SHROOM3: variants seen among roughly 807,000 people sequenced by gnomAD.
SHROOM3 encodes protein Shroom3.
In SHROOM3, 47 loss-of-function variants were observed where a neutral mutation model predicts 138.6. The observed-to-expected ratio is 0.34, with a 90% confidence interval of 0.27 to 0.43. The LOEUF is 0.43. Ranked by LOEUF, SHROOM3 falls within the 20% of genes least tolerant of loss-of-function variation. The pLI, the probability that SHROOM3 is intolerant of heterozygous loss-of-function variation, is 1.00. For synonymous variants in SHROOM3, 1,062 were observed against 1,063.3 expected (o/e 1.00, Z 0.02); for missense variants, 2,491 against 2,596.5 (o/e 0.96, Z 0.88).
At chr4:76,467,494 T>C (rs761538760) in intron 1 of SHROOM3, among the ~76,000 whole-genome samples, 5 of 152,180 alleles carry the variant, frequency 3.3e-5, no homozygotes, top group Non-Finnish European at 7.3e-5. Flanking sequence ...TTTGGAACTG[T>C]GAAGGCTAAG....
chr4:76,711,866 T>G (rs749645623), intron 3 of SHROOM3, among the ~76,000 whole-genome samples: 23 of 151,122 alleles, frequency 1.5e-4, no homozygotes, highest in Non-Finnish European at 1.8e-4. Flanking sequence ...TAAAAGAAGT[T>G]TAAACATACC....
intron 3 of SHROOM3, among the ~76,000 whole-genome samples, chr4:76,727,887 C>A (rs372282953): frequency 1.4e-4 from 13 of 96,256 alleles, no homozygotes; most frequent in Admixed American, 3.4e-4. Context: ...GACTCCATCT[C>A]AAAAAAAAAG....
At chr4:76,716,219 C>T (rs375950775) in intron 3 of SHROOM3, 67 of 472,266 alleles carry the variant, frequency 1.4e-4, no homozygotes, top group South Asian at 9.1e-4. Context: ...CTCCCACTTG[C>T]GCTGAGCTGG....
intron 2 of SHROOM3, among the ~76,000 whole-genome samples, chr4:76,627,015 T>C (rs10222974): frequency 0.3 from 45,059 of 152,098 alleles, 7,044 homozygotes; most frequent in East Asian, 0.52. Flanking sequence ...AGTCTTCCTA[T>C]GTCCAAATGA....
At chr4:76,683,507 T>A (rs897872141) in intron 2 of SHROOM3, among the ~76,000 whole-genome samples, 24 of 150,376 alleles carry the variant, frequency 1.6e-4, no homozygotes, top group African/African-American at 6.0e-4. Context: ...TCCTCCTCCA[T>A]CTCTTTTCTC....
intron 2 of SHROOM3, among the ~76,000 whole-genome samples, chr4:76,651,418 A>G (rs1165148076): frequency 2.4e-5 from 1 of 41,064 alleles, no homozygotes; most frequent in East Asian, 2.1e-3. Context: ...ATATATATAT[A>G]TATATATATA....
intron 2 of SHROOM3, among the ~76,000 whole-genome samples, chr4:76,605,573 A>G (rs1251851129): frequency 6.6e-6 from 1 of 152,122 alleles, no homozygotes; most frequent in African/African-American, 2.4e-5. Context: ...AATAGCAAAA[A>G]GGAAACTATA....
chr4:76,632,538 G>A (rs6818060), intron 2 of SHROOM3, among the ~76,000 whole-genome samples: 45,480 of 152,016 alleles, frequency 0.3, 6,925 homozygotes, highest in East Asian at 0.43. Flanking sequence ...GCAAGAGGTG[G>A]CTTTGACAGA....
chr4:76,607,287 TA>T (rs2110058537), intron 2 of SHROOM3, among the ~76,000 whole-genome samples: 1 of 152,262 alleles, frequency 6.6e-6, no homozygotes, highest in Non-Finnish European at 1.5e-5. Context: ...CCAAGAATCT[TA>T]AGCTAGAGGG....
chr4:76,701,970 C>G (rs1719914260), intron 2 of SHROOM3, among the ~76,000 whole-genome samples: 1 of 152,122 alleles, frequency 6.6e-6, no homozygotes, highest in Admixed American at 6.5e-5. Flanking sequence ...AAATAATAAA[C>G]ATTAATTGTA....
chr4:76,737,661 T>C (rs1216897466), intron 4 of SHROOM3, among the ~76,000 whole-genome samples: 1 of 46,948 alleles, frequency 2.1e-5, no homozygotes, highest in Non-Finnish European at 6.1e-5. Context: ...TGTTTGGTTG[T>C]TTTTTGTTTT....
chr4:76,653,701 G>C (rs1044280344), intron 2 of SHROOM3, among the ~76,000 whole-genome samples: 1 of 152,040 alleles, frequency 6.6e-6, no homozygotes, highest in African/African-American at 2.4e-5. Flanking sequence ...GAGTAGCTGG[G>C]ACTACAGGGC....
intron 1 of SHROOM3, chr4:76,509,628 T>C (rs1289440279): frequency 6.6e-6 from 1 of 152,446 alleles, no homozygotes; most frequent in Non-Finnish European, 1.5e-5. Context: ...CATGTACCGC[T>C]TGACCAACAG....
intron 9 of SHROOM3, among the ~76,000 whole-genome samples, chr4:76,760,431 T>A (rs1419472179): frequency 6.6e-6 from 1 of 152,252 alleles, no homozygotes; most frequent in African/African-American, 2.4e-5. Flanking sequence ...CTTGCAGCTC[T>A]CTATGCAGCT....
intron 2 of SHROOM3, among the ~76,000 whole-genome samples, chr4:76,660,545 G>A (rs772930639): frequency 5.3e-5 from 8 of 151,916 alleles, no homozygotes; most frequent in Admixed American, 1.3e-4. Flanking sequence ...GAGCAATCTC[G>A]GCTCACTGCA....
intron 2 of SHROOM3, among the ~76,000 whole-genome samples, chr4:76,623,948 A>T (rs1735063184): frequency 1.3e-5 from 2 of 152,196 alleles, no homozygotes; most frequent in Non-Finnish European, 2.9e-5. Context: ...TTTATTTCTG[A>T]GAGAAATTCT....
At position 76,552,028 on chromosome 4, in the gene SHROOM3, A is replaced by C. The variant is rs60099194; in HGVS notation, c.169-3581A>C. 2.8e-5 allele frequency among the ~76,000 whole-genome samples: 4 copies of C among 142,046 alleles called. No individual in the cohort carries two copies. The South Asian group carries it at 9.1e-4, about 32-fold the overall frequency. The allele number at this position is 142,046 out of a possible 152,430, so 93.2% of individuals were successfully genotyped here. On this transcript the variant is annotated intron_variant, in intron 1 of 10. Coordinates refer to ENST00000296043, the MANE Select transcript of SHROOM3 (RefSeq NM_020859.4). ...AGGCGCCCGCCATCACGCCCGGCTA[A>C]TTTTTTGTATCTTTAGTAGAGACGG...
At position 76,688,579 on chromosome 4, in the gene SHROOM3, G is replaced by T. The variant is rs1015162208; in HGVS notation, c.324-21577G>T. On this transcript the variant is annotated intron_variant, in intron 2 of 10. Transcript: ENST00000296043. ...TGACACGTGAGAGCAATTAAGAGAGGACTCTGAGGGGAAAAAATTCCTACC... is the reference window on the plus strand; with the variant it reads ...TGACACGTGAGAGCAATTAAGAGAGTACTCTGAGGGGAAAAAATTCCTACC... The T allele has an allele frequency of 7.1e-6, 7 of 985,260 alleles. No individual in the cohort carries two copies. The African/African-American group carries it at 1.2e-4, about 17-fold the overall frequency. 61.0% of individuals were successfully genotyped at this position (985,260 alleles called of 1,614,324 possible).
At position 76,554,143 on chromosome 4, in the gene SHROOM3, T is replaced by C. The variant is rs535236078; in HGVS notation, c.169-1466T>C. On this transcript the variant is annotated intron_variant, in intron 1 of 10. Coordinates refer to ENST00000296043, the MANE Select transcript of SHROOM3 (RefSeq NM_020859.4). ...CCTTCCCTTTAACCTCAGCCACTGC[T>C]GATCTTTTTACTGCCTCCCTAGTTT... 2.6e-5 allele frequency among the ~76,000 whole-genome samples: 4 copies of C among 152,374 alleles called. No individual in the cohort carries two copies. In the South Asian group the frequency reaches 8.3e-4, roughly 32 times the overall value.
Sources: gnomAD v4.1 joint callset for allele counts (sites outside exome capture counted in the v4.1 genomes callset) on GRCh38, gnomAD v4.1.1 for gene constraint, MANE v1.5 for transcripts, NCBI Gene and HGNC (gene_info 2026-07-23, HGNC 2026-07-21) for gene names.